Variants in RCHY1 observed in about 807,000 individuals in gnomAD.
RCHY1 encodes ring finger and CHY zinc finger domain containing 1, also known as RING finger and CHY zinc finger domain-containing protein 1.
RCHY1 carries 21 observed loss-of-function variants against 41.6 expected under a neutral mutation model. The observed-to-expected ratio is 0.51, with a 90% CI of 0.36 to 0.73. The LOEUF (loss-of-function observed/expected upper bound fraction) is 0.73. Among genes scored for constraint, RCHY1 ranks in the 30% least tolerant of loss-of-function variants. RCHY1 has a pLI of 0.00. For synonymous variants in RCHY1, 79 were observed against 102.9 expected (o/e 0.77, Z 1.41); for missense variants, 265 against 325.3 (o/e 0.81, Z 1.43).
chr4:75,497,234 A>G (rs1362633926), intron 3 of RCHY1, among the ~76,000 whole-genome samples: 4 of 152,190 alleles, frequency 2.6e-5, no homozygotes, highest in African/African-American at 9.6e-5. Flanking sequence ...ACATGTGTTC[A>G]GTTGAGCCTA....
At chr4:75,500,298 G>C (rs531427241) in intron 3 of RCHY1, among the ~76,000 whole-genome samples, 1 of 152,072 alleles carries the variant, frequency 6.6e-6, no homozygotes, top group Non-Finnish European at 1.5e-5. Flanking sequence ...TCTGCTATGC[G>C]ACTCTGTCTT....
At chr4:75,484,844 A>C (rs770809381) in intron 8 of RCHY1, among the ~76,000 whole-genome samples, 15 of 152,160 alleles carry the variant, frequency 9.9e-5, no homozygotes, top group Non-Finnish European at 1.9e-4. Context: ...AGTGCATTTG[A>C]TGATGGCCAT....
intron 3 of RCHY1, among the ~76,000 whole-genome samples, chr4:75,505,627 A>G (rs1167353134): frequency 6.6e-6 from 1 of 152,178 alleles, no homozygotes; most frequent in Non-Finnish European, 1.5e-5. Context: ...AAAAAGAAAA[A>G]AAGGCCATAT....
chr4:75,514,143 C>A, intron 1 of RCHY1, 54 bp downstream of exon 1: 1 of 1,576,740 alleles, frequency 6.3e-7, no homozygotes, highest in South Asian at 1.1e-5. Context: ...GCCCAGCCCG[C>A]CCCAGCCCAA....
chr4:75,514,042 A>G, intron 1 of RCHY1, 155 bp downstream of exon 1: 2 of 1,223,024 alleles, frequency 1.6e-6, no homozygotes, highest in Non-Finnish European at 1.1e-6. Flanking sequence ...CCTTGCCAAA[A>G]ACGTTCTCCT....
intron 3 of RCHY1, among the ~76,000 whole-genome samples, chr4:75,500,519 A>G (rs922379904): frequency 6.6e-6 from 1 of 152,228 alleles, no homozygotes; most frequent in African/African-American, 2.4e-5. Flanking sequence ...AAGATTATCT[A>G]TAACTATAAT....
chr4:75,506,024 G>C (rs1245900435), intron 3 of RCHY1, among the ~76,000 whole-genome samples: 1 of 148,254 alleles, frequency 6.7e-6, no homozygotes, highest in Non-Finnish European at 1.5e-5. Flanking sequence ...CCACGAAAGA[G>C]ATGGGCCTGG....
At chr4:75,485,138 A>T (rs1721877782) in intron 8 of RCHY1, among the ~76,000 whole-genome samples, 1 of 152,222 alleles carries the variant, frequency 6.6e-6, no homozygotes, top group African/African-American at 2.4e-5. Context: ...GGTAAAGCTG[A>T]CTTGCCTCTT....
In RCHY1 at chr4:75,479,922, G is replaced by A. The variant is rs1041969496; in HGVS notation, c.*2616C>T. On this transcript the variant is annotated 3_prime_UTR_variant, in exon 9 of 9. Transcript: ENST00000324439. ...TAACAGTAGTTCTCTCTGAAAGAAG[G>A]GATTGTTGAGAGTTTTTTACCTTCT... 2 of 151,938 alleles carry A rather than the reference G, an allele frequency of 1.3e-5. No homozygotes were observed. The highest frequency in any genetic ancestry group is 2.9e-5 in the Non-Finnish European group (2 of 67,964). The allele number at this position is 151,938 out of a possible 1,614,324, so 9.4% of individuals were successfully genotyped here. A position where few individuals can be genotyped will look rare whatever the true frequency, so the allele number is the denominator to read the frequency against.
At chr4:75,491,287 G>T in intron 7 of RCHY1, 1 of 210,532 alleles carries the variant, frequency 4.7e-6, no homozygotes, top group Non-Finnish European at 9.4e-6. Context: ...ACAAATTTTT[G>T]GCAATATTTT....
At chr4:75,514,525 T>C (rs1429765558), upstream of RCHY1, 1 of 497,650 alleles carries the variant, frequency 2.0e-6, no homozygotes, top group Admixed American at 3.2e-5. Context: ...CTAACGGTAA[T>C]AACTCTTAGG....
intron 8 of RCHY1, among the ~76,000 whole-genome samples, chr4:75,487,707 A>T (rs868262643): frequency 2.0e-3 from 117 of 58,024 alleles, no homozygotes; most frequent in Non-Finnish European, 3.2e-3. Flanking sequence ...ATATATTCAT[A>T]ATATATATTC....
chr4:75,488,877 C>A (rs1400102105), intron 8 of RCHY1, among the ~76,000 whole-genome samples: 1 of 152,106 alleles, frequency 6.6e-6, no homozygotes, highest in Non-Finnish European at 1.5e-5. Context: ...GAGTTCAAGA[C>A]CAGCCTGGCC....
rs1721350401 is a variant in RCHY1, at chr4:75,479,362, TG to T, written c.*3175del. 1 of 152,098 alleles carries T rather than the reference TG, an allele frequency of 6.6e-6. No individual in the cohort carries two copies. Among genetic ancestry groups the T allele is most frequent in the South Asian group, 2.1e-4 (1 of 4,832 alleles). 9.4% of individuals were successfully genotyped at this position (152,098 alleles called of 1,614,324 possible). ...ATTTCAAATTAAACTATTCAACTAGTGAATACCTATTGCCAGGCACTTATAA... is the reference window on the plus strand; with the variant it reads ...ATTTCAAATTAAACTATTCAACTAGTAATACCTATTGCCAGGCACTTATAA... On this transcript the variant is annotated 3_prime_UTR_variant, in exon 9 of 9. Coordinates refer to ENST00000324439, the MANE Select transcript of RCHY1 (RefSeq NM_015436.4).
chr4:75,487,615 AAT>A lies in RCHY1; in HGVS notation c.657+2964_657+2965del, dbSNP rs560361475. ...ATAATATATATTCATATATATTCAT[AAT>A]ATATATATTCATAATATATATATTC... On this transcript the variant is annotated intron_variant, in intron 8 of 8. Coordinates refer to ENST00000324439, the MANE Select transcript of RCHY1 (RefSeq NM_015436.4). Among the ~76,000 whole-genome samples the A allele has an allele frequency of 1.4e-3, 56 of 39,964 alleles. 4 individuals carry two copies. Among genetic ancestry groups the A allele is most frequent in the Admixed American group, 2.9e-3 (8 of 2,794 alleles). 26.2% of individuals were successfully genotyped at this position (39,964 alleles called of 152,430 possible). A position where few individuals can be genotyped will look rare whatever the true frequency, so the allele number is the denominator to read the frequency against.
chr4:75,501,149 A>G (rs1319563333), intron 3 of RCHY1, among the ~76,000 whole-genome samples: 1 of 152,148 alleles, frequency 6.6e-6, no homozygotes, highest in Non-Finnish European at 1.5e-5. Flanking sequence ...AGCTGGGATT[A>G]CAGACATATA....
Position 75,508,886 on chromosome 4 carries a change from C to T in RCHY1, c.260G>A (p.Cys87Tyr). The change falls in exon 3 of 9, where the codon TGC becomes TAC. Residue 87 changes from cysteine (C) to tyrosine (Y), a missense_variant. Transcript: ENST00000324439. ...TTTGTCAAACAAATGGCATATATCG[C>T]AATAATATTCTCCAAACAATGTGCT... The part of the protein sequence containing the change: ...ECSTLFGEYY[C>Y]DICHLFDKDK... The T allele has an allele frequency of 1.2e-6, 2 of 1,611,418 alleles. No homozygotes were observed. The highest frequency in any genetic ancestry group is 1.7e-4 in the Middle Eastern group (1 of 6,048).
At chr4:75,512,030 C>T (rs1304012311) in intron 1 of RCHY1, among the ~76,000 whole-genome samples, 1 of 152,140 alleles carries the variant, frequency 6.6e-6, no homozygotes, top group East Asian at 1.9e-4. Flanking sequence ...TTGCAACACC[C>T]TAGTTCCCTT....
At chr4:75,505,662 T>C (rs941684157) in intron 3 of RCHY1, among the ~76,000 whole-genome samples, 8 of 151,608 alleles carry the variant, frequency 5.3e-5, no homozygotes, top group African/African-American at 1.5e-4. Context: ...ATAAGCAAAA[T>C]GAAACATATA....
Sources: allele counts gnomAD v4.1 joint callset (sites outside exome capture counted in the v4.1 genomes callset), GRCh38; gene constraint gnomAD v4.1.1; transcripts MANE v1.5; gene names NCBI Gene and HGNC (gene_info 2026-07-23, HGNC 2026-07-21).